Variants in PXDN observed in about 807,000 individuals in gnomAD.
The protein encoded by PXDN is peroxidasin homolog.
In PXDN, 77 loss-of-function variants were observed where a neutral mutation model predicts 140.3. That is an observed-to-expected ratio of 0.55 (90% CI 0.46 to 0.66). The LOEUF (loss-of-function observed/expected upper bound fraction) is 0.66, where lower values mean the gene tolerates loss of function less well. Ranked by LOEUF, PXDN falls within the 30% of genes least tolerant of loss-of-function variation. The probability of loss-of-function intolerance (pLI) is 0.00; values close to 1 mark genes in which losing one functional copy is unlikely to be tolerated. For synonymous variants in PXDN, 911 were observed against 857.4 expected, an observed-to-expected ratio of 1.06 and a Z score of -1.09; for missense variants, 1,838 against 2,039.5, an observed-to-expected ratio of 0.90 and a Z score of 1.90.
At chr2:1,643,633 T>G in intron 18 of PXDN, 57 bp from the exon 19 acceptor site, 1 of 1,580,748 alleles carries the variant, frequency 6.3e-7, no homozygotes, top group Non-Finnish European at 8.7e-7. Context: ...CACAGGTCAC[T>G]AGGAGCTGAG....
rs371967286 is a variant in PXDN, at chr2:1,643,404, T to C, written c.3916A>G (p.Arg1306Gly). The change falls in exon 19 of 23, where the codon AGG becomes GGG. Residue 1306 changes from arginine to glycine, a missense_variant. Physicochemically the swap from Arg to Gly is moderately radical, Grantham distance 125. Coordinates refer to ENST00000252804, the MANE Select transcript of PXDN (RefSeq NM_012293.3). ...HGYGSCDEIP[R>G]VDLRVWQDCC... ...TCCTGCCACACCCGGAGGTCTACCC[T>C]GGGGATCTCGTCACAGCTGCCGTAG... 42 of 1,613,904 alleles carry C rather than the reference T, an allele frequency of 2.6e-5. No individual in the cohort carries two copies. Among genetic ancestry groups the C allele is most frequent in the Middle Eastern group, 3.3e-4 (2 of 6,060 alleles).
intron 1 of PXDN, among the ~76,000 whole-genome samples, chr2:1,726,275 ATAGGGACATGGATG>A (rs1685181998): frequency 6.7e-6 from 1 of 150,156 alleles, no homozygotes; most frequent in Non-Finnish European, 1.5e-5. Flanking sequence ...CATGTCCTTT[ATAGGGACATGGATG>A]AAATTGGAAA....
chr2:1,725,608 A>G (rs1450080490), intron 1 of PXDN, among the ~76,000 whole-genome samples: 1 of 152,232 alleles, frequency 6.6e-6, no homozygotes, highest in African/African-American at 2.4e-5. Context: ...GCTTCTGCAT[A>G]GCAAAACAAA....
chr2:1,739,804 C>T (rs116350421), intron 1 of PXDN, among the ~76,000 whole-genome samples: 3,305 of 152,168 alleles, frequency 0.022, 132 homozygotes, highest in African/African-American at 0.075. Flanking sequence ...ATGTTTGGTC[C>T]GCCCACCACC....
At chr2:1,657,261 G>T (rs1249897836) in intron 14 of PXDN, among the ~76,000 whole-genome samples, 1 of 146,288 alleles carries the variant, frequency 6.8e-6, no homozygotes, top group Non-Finnish European at 1.5e-5. Flanking sequence ...TTCAGACTGG[G>T]AACAGCCCCC....
chr2:1,659,971 C>CG (rs1302697627), intron 14 of PXDN, among the ~76,000 whole-genome samples: 1 of 152,100 alleles, frequency 6.6e-6, no homozygotes, highest in Non-Finnish European at 1.5e-5. Flanking sequence ...AGTGGAGGCC[C>CG]GGGGGAAGGC....
intron 3 of PXDN, among the ~76,000 whole-genome samples, chr2:1,688,902 G>A (rs1684124673): frequency 6.6e-6 from 1 of 151,838 alleles, no homozygotes; most frequent in South Asian, 2.1e-4. Flanking sequence ...ATAATGTCTG[G>A]TGCAGGATCC....
In PXDN at chr2:1,684,112, A is replaced by G. The variant is rs1315394868; in HGVS notation, c.456T>C (p.Asp152=). 6.3e-7 allele frequency: 1 copy of G among 1,588,004 alleles called. No homozygotes were observed. The highest frequency in any genetic ancestry group is 1.8e-5 in the Admixed American group (1 of 56,670). ...CGAGCTTCGGGAGATGCTGGAACGA[A>G]TCTGGGTCCAAAGTTTCTATCTGAT... The part of the protein sequence containing the change: ...HFNQIETLDP[D]SFQHLPKLER... Residue 152 remains aspartate (D), a synonymous_variant, in exon 5 of 23, where the codon GAT becomes GAC. Transcript: ENST00000252804.
chr2:1,635,191 G>C (rs984952501), intron 22 of PXDN, among the ~76,000 whole-genome samples: 11 of 152,074 alleles, frequency 7.2e-5, no homozygotes, highest in African/African-American at 1.7e-4. Flanking sequence ...TGTGGGGTTG[G>C]ACCATGCTGA....
In PXDN at chr2:1,685,799, G is replaced by A. The variant is rs1157353478; in HGVS notation, c.417-1648C>T. Among the ~76,000 whole-genome samples the A allele has an allele frequency of 6.6e-6, 1 of 152,004 alleles. No individual in the cohort carries two copies. Among genetic ancestry groups the A allele is most frequent in the East Asian group, 1.9e-4 (1 of 5,164 alleles). On this transcript the variant is annotated intron_variant, in intron 4 of 22. Coordinates refer to ENST00000252804, the MANE Select transcript of PXDN (RefSeq NM_012293.3). The surrounding 1 kb of genome is among the most constrained non-coding windows in gnomAD (Gnocchi z 5.1). ...GATCTTAGAGAGGCTGGGGCCCCAG[G>A]CAGCCTGGGGTGTCCTCCACCCCTC...
chr2:1,656,640 C>T (rs1683141587), intron 14 of PXDN, among the ~76,000 whole-genome samples: 1 of 150,506 alleles, frequency 6.6e-6, no homozygotes, highest in African/African-American at 2.5e-5. Context: ...TGACAGGCAC[C>T]TGCACACTCC....
At chr2:1,717,358 G>A (rs145638996) in intron 1 of PXDN, among the ~76,000 whole-genome samples, 1 of 152,138 alleles carries the variant, frequency 6.6e-6, no homozygotes, top group Non-Finnish European at 1.5e-5. Context: ...CTGCGGATCA[G>A]TCCAAATGCC....
chr2:1,723,382 A>T (rs545771569), intron 1 of PXDN, among the ~76,000 whole-genome samples: 164 of 152,226 alleles, frequency 1.1e-3, no homozygotes, highest in Admixed American at 8.0e-3. Context: ...AAACTAATGA[A>T]TGAATAGATG....
At chr2:1,677,208 C>T (rs999812986) in intron 7 of PXDN, among the ~76,000 whole-genome samples, 164 bp from the exon 8 acceptor site, 1 of 152,166 alleles carries the variant, frequency 6.6e-6, no homozygotes, top group East Asian at 1.9e-4. Context: ...GGCTTCTCTA[C>T]AGCCCCGTCT....
At chr2:1,677,080 T>C (rs140643051) in intron 7 of PXDN, 36 bp from the exon 8 acceptor site, 1 of 1,509,960 alleles carries the variant, frequency 6.6e-7, no homozygotes, top group East Asian at 2.4e-5. Flanking sequence ...CTTTTTAGTC[T>C]AAACCATGAC....
chr2:1,708,026 A>C (rs1684660602), intron 1 of PXDN, among the ~76,000 whole-genome samples: 1 of 152,206 alleles, frequency 6.6e-6, no homozygotes, highest in East Asian at 1.9e-4. Flanking sequence ...CTTTGTCCCG[A>C]GAACAAGGGG....
At chr2:1,731,179 C>CACACACACACACACACACAA (rs60396503) in intron 1 of PXDN, among the ~76,000 whole-genome samples, 5 of 148,996 alleles carry the variant, frequency 3.4e-5, no homozygotes, top group Admixed American at 1.4e-4. Flanking sequence ...CACACACACA[C>CACACACACACACACACACAA]ATGAACTAGT....
chr2:1,663,915 C>G (rs1006017275), intron 11 of PXDN, 152 bp from the exon 12 acceptor site: 10 of 837,286 alleles, frequency 1.2e-5, no homozygotes. Context: ...CTTTGCCTCC[C>G]CAGCAGACAC....
intron 11 of PXDN, chr2:1,664,078 G>A (rs1683373939): frequency 1.2e-5 from 4 of 321,738 alleles, no homozygotes; most frequent in African/African-American, 2.1e-5. Context: ...GAGAACCAGG[G>A]AGAGGATTGA....
Sources: allele counts gnomAD v4.1 joint callset (sites outside exome capture counted in the v4.1 genomes callset), GRCh38; gene constraint gnomAD v4.1.1; non-coding constraint Gnocchi (gnomAD v3.1); transcripts MANE v1.5; gene names NCBI Gene and HGNC (gene_info 2026-07-23, HGNC 2026-07-21).